MMS22L: variants seen among roughly 807,000 people sequenced by gnomAD.
MMS22L encodes the protein MMS22 like, DNA repair protein.
MMS22L carries 74 observed loss-of-function variants against 159.1 expected under a neutral mutation model. The ratio of observed to expected loss-of-function variants is 0.47; its 90% CI spans 0.39 to 0.56. The LOEUF is 0.56. MMS22L is among the 20% of genes least tolerant of loss of function. The probability of loss-of-function intolerance (pLI) is 0.00; values close to 1 mark genes in which losing one functional copy is unlikely to be tolerated. For missense variants in MMS22L, 1,351 were observed against 1,422.1 expected (o/e 0.95, Z 0.80); for synonymous variants, 517 against 506.9 (o/e 1.02, Z -0.27).
chr6:97,148,075 C>T (rs111558471), intron 24 of MMS22L, among the ~76,000 whole-genome samples: 2 of 152,024 alleles, frequency 1.3e-5, no homozygotes, highest in African/African-American at 2.4e-5. Flanking sequence ...AATGATGGAT[C>T]CCATTAAGAT....
At chr6:97,244,776 G>A (rs1295220083) in intron 11 of MMS22L, among the ~76,000 whole-genome samples, 1 of 152,062 alleles carries the variant, frequency 6.6e-6, no homozygotes, top group Admixed American at 6.6e-5. Flanking sequence ...TATTAGTTCT[G>A]TCCCTCTAGA....
chr6:97,240,731 A>G (rs987227530), intron 11 of MMS22L, among the ~76,000 whole-genome samples: 1 of 151,448 alleles, frequency 6.6e-6, no homozygotes, highest in African/African-American at 2.4e-5. Context: ...GGTTCAAGTG[A>G]TTCTCCTGCC....
At chr6:97,159,948 GTTTTTTTTTTT>G (rs368455553) in intron 22 of MMS22L, among the ~76,000 whole-genome samples, 1 of 97,180 alleles carries the variant, frequency 1.0e-5, no homozygotes, top group Non-Finnish European at 1.9e-5. Flanking sequence ...TATCATTTCT[GTTTTTTTTTTT>G]TTTTTTTTTC....
At chr6:97,273,586 A>C (rs1287333294) in intron 4 of MMS22L, among the ~76,000 whole-genome samples, 1 of 152,184 alleles carries the variant, frequency 6.6e-6, no homozygotes, top group Non-Finnish European at 1.5e-5. Context: ...CCTAACACCT[A>C]TACTTGGATT....
intron 8 of MMS22L, chr6:97,266,807 A>T (rs1815167793): frequency 6.6e-6 from 1 of 152,246 alleles, no homozygotes; most frequent in African/African-American, 2.4e-5. Context: ...TCATAGAAGC[A>T]GAGTAAGATG....
intron 22 of MMS22L, among the ~76,000 whole-genome samples, chr6:97,153,331 C>T (rs983422291): frequency 2.0e-5 from 3 of 149,588 alleles, no homozygotes; most frequent in Admixed American, 1.3e-4. Flanking sequence ...TCCTTCTAAG[C>T]AATCCCTTAA....
At chr6:97,168,745 G>A (rs1803234922) in intron 19 of MMS22L, among the ~76,000 whole-genome samples, 1 of 152,004 alleles carries the variant, frequency 6.6e-6, no homozygotes, top group Non-Finnish European at 1.5e-5. Context: ...CACATACAGT[G>A]GAATATATTT....
chr6:97,211,950 T>C (rs1412918127), intron 14 of MMS22L, among the ~76,000 whole-genome samples: 1 of 152,218 alleles, frequency 6.6e-6, no homozygotes, highest in Non-Finnish European at 1.5e-5. Flanking sequence ...CCACCTATCA[T>C]CTATATGACA....
At chr6:97,174,932 T>C (rs769160626) in intron 18 of MMS22L, among the ~76,000 whole-genome samples, 17 of 152,170 alleles carry the variant, frequency 1.1e-4, no homozygotes, top group Non-Finnish European at 2.2e-4. Context: ...GAACAAGAGA[T>C]ATACTTGACT....
chr6:97,191,623 G>A (rs1805874795), intron 14 of MMS22L, among the ~76,000 whole-genome samples: 1 of 152,040 alleles, frequency 6.6e-6, no homozygotes, highest in Non-Finnish European at 1.5e-5. Flanking sequence ...AAAATTTTAA[G>A]TCAAAAAGTT....
chr6:97,194,373 C>A (rs2128291573), intron 14 of MMS22L, among the ~76,000 whole-genome samples: 1 of 152,196 alleles, frequency 6.6e-6, no homozygotes, highest in African/African-American at 2.4e-5. Flanking sequence ...TACATTTCTA[C>A]CAGGCAGATG....
chr6:97,261,944 C>A (rs1222135853), intron 9 of MMS22L: 1 of 152,062 alleles, frequency 6.6e-6, no homozygotes, highest in Admixed American at 6.6e-5. Flanking sequence ...ATCTAGGTAA[C>A]ATGAACTCAG....
At chr6:97,283,838 C>A (rs779096571), upstream of MMS22L, among the ~76,000 whole-genome samples, 1 of 152,076 alleles carries the variant, frequency 6.6e-6, no homozygotes, top group Non-Finnish European at 1.5e-5. Flanking sequence ...AGATTTAAAT[C>A]GTACAAAGTG....
At chr6:97,278,954 C>T in intron 3 of MMS22L, 56 bp from the exon 4 acceptor site, 2 of 1,444,158 alleles carry the variant, frequency 1.4e-6, no homozygotes, top group African/African-American at 1.4e-5. Context: ...AAGCATGTAA[C>T]AATTACGTGG....
intron 19 of MMS22L, 131 bp downstream of exon 19, chr6:97,172,932 T>C: frequency 2.5e-6 from 2 of 789,092 alleles, no homozygotes; most frequent in Non-Finnish European, 3.8e-6. Context: ...TTAAGCTAAA[T>C]CACTGTATTT....
chr6:97,231,692 T>A, intron 12 of MMS22L, 40 bp from the exon 13 acceptor site: 1 of 1,409,124 alleles, frequency 7.1e-7, no homozygotes. Flanking sequence ...CAATTATTAG[T>A]CTCTTAGTAA....
At chr6:97,276,040 A>C (rs1816213027) in intron 4 of MMS22L, among the ~76,000 whole-genome samples, 2 of 152,294 alleles carry the variant, frequency 1.3e-5, no homozygotes, top group Middle Eastern at 3.4e-3. Flanking sequence ...GAGAAAAAAA[A>C]CAGCTGTCAG....
Position 97,179,477 on chromosome 6 carries a change from G to C in MMS22L, c.2467C>G (p.Gln823Glu). ...TVRSWIRCVLQMYIKNLSGPD... is the reference protein window; with the variant it reads ...TVRSWIRCVLEMYIKNLSGPD... ...CCAGAGAGGTTTTTAATATACATTT[G>C]CAAAACACAACGAATCCATGATCTT... The change falls in exon 17 of 25, where the codon CAA (glutamine) becomes GAA (glutamate). Residue 823 changes from glutamine to glutamate, a missense_variant. Transcript: ENST00000683635. 1 of 1,613,410 alleles carries C rather than the reference G, an allele frequency of 6.2e-7. No individual in the cohort carries two copies. Among genetic ancestry groups the C allele is most frequent in the Non-Finnish European group, 8.5e-7 (1 of 1,179,666 alleles).
chr6:97,210,005 A>T, intron 14 of MMS22L, among the ~76,000 whole-genome samples: 1 of 152,052 alleles, frequency 6.6e-6, no homozygotes, highest in East Asian at 1.9e-4. Context: ...ATGTTAAAAT[A>T]TTCAATATAT....
Sources: gnomAD v4.1 joint callset for allele counts (sites outside exome capture counted in the v4.1 genomes callset) on GRCh38, gnomAD v4.1.1 for gene constraint, MANE v1.5 for transcripts, NCBI Gene and HGNC (gene_info 2026-07-23, HGNC 2026-07-21) for gene names.